ART1: variants seen among roughly 807,000 people sequenced by gnomAD.
ART1 encodes the protein ADP-ribosyltransferase 1, also known as GPI-linked NAD(P)(+)--arginine ADP-ribosyltransferase 1.
Under a neutral mutation model 27.0 loss-of-function variants are expected in ART1, and 29 were observed. The observed-to-expected ratio is 1.08, with a 90% CI of 0.80 to 1.47. The LOEUF (loss-of-function observed/expected upper bound fraction) is 1.47, where lower values mean the gene tolerates loss of function less well. Among genes scored for constraint, ART1 ranks in the 40% most tolerant of loss-of-function variants. The probability of loss-of-function intolerance (pLI) is 0.00; values close to 1 mark genes in which losing one functional copy is unlikely to be tolerated. For synonymous variants in ART1, 201 were observed against 172.2 expected (o/e 1.17, Z -1.31); for missense variants, 480 against 423.0 (o/e 1.13, Z -1.18).
Position 3,660,218 on chromosome 11 carries a change from C to T in ART1, c.699C>T (p.Ser233=). Residue 233 remains serine, a synonymous_variant, in exon 3 of 5, where the codon TCC becomes TCT. Coordinates refer to ENST00000250693, the MANE Select transcript of ART1 (RefSeq NM_004314.3). The part of the protein sequence containing the change: ...TCLGAPIKGY[S]FFPGEEEVLI... ...TTGGGGCCCCTATCAAGGGCTACTC[C>T]TTCTTCCCTGGAGAGGAAGAGGTGC... 3.1e-6 allele frequency: 5 copies of T among 1,614,000 alleles called. No individual in the cohort carries two copies. The highest frequency in any genetic ancestry group is 4.2e-6 in the Non-Finnish European group (5 of 1,180,048).
At chr11:3,645,287 C>T (rs1277532714) in intron 1 of ART1, 108 bp downstream of exon 1, 1 of 152,014 alleles carries the variant, frequency 6.6e-6, no homozygotes, top group Admixed American at 6.6e-5. Flanking sequence ...AAAAAGTTTC[C>T]AGGAAACTTT....
chr11:3,653,625 G>A (rs7480129), intron 1 of ART1, among the ~76,000 whole-genome samples: 19 of 152,120 alleles, frequency 1.2e-4, no homozygotes, highest in South Asian at 4.1e-4. Context: ...CTCTTCACAC[G>A]GACGCGCATG....
rs190469871 is a variant in ART1, at chr11:3,649,118, G to A, written c.-53+3939G>A. On this transcript the variant is annotated intron_variant, in intron 1 of 4. Coordinates refer to ENST00000250693, the MANE Select transcript of ART1 (RefSeq NM_004314.3). Reference sequence around the variant, plus strand: ...AAGAACCCCTGAACCCCTTCCCTCCGTTTCTCTACTCTCTCTTTTCTCTGG... The same window carrying A: ...AAGAACCCCTGAACCCCTTCCCTCCATTTCTCTACTCTCTCTTTTCTCTGG... 1.1e-3 allele frequency among the ~76,000 whole-genome samples: 168 copies of A among 151,784 alleles called. 1 individual carries two copies. Among genetic ancestry groups the A allele is most frequent in the African/African-American group, 3.1e-3 (130 of 41,340 alleles).
intron 3 of ART1, 94 bp from the exon 4 acceptor site, chr11:3,661,278 A>G (rs2077618154): frequency 8.4e-7 from 1 of 1,186,606 alleles, no homozygotes; most frequent in Non-Finnish European, 1.2e-6. Context: ...AACTTCTCCT[A>G]GAACAAGTCA....
At chr11:3,663,590 T>C (rs2077638639) in intron 4 of ART1, among the ~76,000 whole-genome samples, 1 of 152,180 alleles carries the variant, frequency 6.6e-6, no homozygotes, top group Non-Finnish European at 1.5e-5. Flanking sequence ...AAATTCTTTA[T>C]TAAAAAAATT....
At chr11:3,654,985 A>T (rs1422252142) in intron 1 of ART1, among the ~76,000 whole-genome samples, 4 of 152,224 alleles carry the variant, frequency 2.6e-5, no homozygotes, top group African/African-American at 7.2e-5. Context: ...TTTGCTGCAT[A>T]ACTATTTTGC....
intron 1 of ART1, among the ~76,000 whole-genome samples, chr11:3,649,461 G>C (rs2133947881): frequency 6.6e-6 from 1 of 152,154 alleles, no homozygotes; most frequent in East Asian, 1.9e-4. Context: ...AATGCAACTT[G>C]TCCCAAATCT....
intron 1 of ART1, among the ~76,000 whole-genome samples, chr11:3,657,153 A>T (rs2077581778): frequency 1.3e-5 from 2 of 152,226 alleles, no homozygotes; most frequent in East Asian, 3.8e-4. Flanking sequence ...GGGCAGAGGC[A>T]TAACCACCTT....
At chr11:3,658,763 T>G (rs2077593993) in intron 1 of ART1, among the ~76,000 whole-genome samples, 1 of 152,202 alleles carries the variant, frequency 6.6e-6, no homozygotes, top group South Asian at 2.1e-4. Context: ...ACTGTGGCTG[T>G]CAAGTCCTTT....
intron 1 of ART1, among the ~76,000 whole-genome samples, chr11:3,652,736 C>T (rs1366495682): frequency 4.6e-5 from 7 of 151,338 alleles, no homozygotes; most frequent in Non-Finnish European, 1.0e-4. Context: ...ATGTCCTGCT[C>T]TTGTTTACAC....
At chr11:3,646,291 C>T (rs1410224779) in intron 1 of ART1, among the ~76,000 whole-genome samples, 2 of 151,960 alleles carry the variant, frequency 1.3e-5, no homozygotes, top group African/African-American at 4.8e-5. Context: ...AGGGGCAAAC[C>T]TGAGCCAGGG....
At chr11:3,647,871 G>A (rs1565037665) in intron 1 of ART1, among the ~76,000 whole-genome samples, 1 of 151,992 alleles carries the variant, frequency 6.6e-6, no homozygotes, top group East Asian at 1.9e-4. Flanking sequence ...GGCTGTGCTG[G>A]AGCAGGACAC....
intron 1 of ART1, among the ~76,000 whole-genome samples, chr11:3,648,023 C>A (rs1240684325): frequency 6.6e-6 from 1 of 152,140 alleles, no homozygotes; most frequent in East Asian, 1.9e-4. Context: ...TGGCCGGTTC[C>A]TGCCTTAACT....
chr11:3,648,102 T>C (rs897136278), intron 1 of ART1, among the ~76,000 whole-genome samples: 1 of 152,184 alleles, frequency 6.6e-6, no homozygotes, highest in East Asian at 1.9e-4. Context: ...ACTGAGCACC[T>C]TGTGACCCCC....
At chr11:3,658,070 C>A (rs1229157342) in intron 1 of ART1, among the ~76,000 whole-genome samples, 1 of 152,062 alleles carries the variant, frequency 6.6e-6, no homozygotes, top group Non-Finnish European at 1.5e-5. Context: ...TGGTGGCTCA[C>A]ACCTGTAATC....
chr11:3,654,869 C>A (rs562170639), intron 1 of ART1, among the ~76,000 whole-genome samples: 1 of 152,330 alleles, frequency 6.6e-6, no homozygotes, highest in Non-Finnish European at 1.5e-5. Context: ...GCCTTCAAGC[C>A]TCTCCTCCCC....
At chr11:3,651,604 G>T (rs7484176) in intron 1 of ART1, among the ~76,000 whole-genome samples, 1 of 150,714 alleles carries the variant, frequency 6.6e-6, no homozygotes, top group Non-Finnish European at 1.5e-5. Context: ...TGCTTTAATA[G>T]TTTTAGAGGC....
At chr11:3,649,860 C>T (rs77869091) in intron 1 of ART1, among the ~76,000 whole-genome samples, 16 of 152,072 alleles carry the variant, frequency 1.1e-4, no homozygotes, top group Admixed American at 3.9e-4. Flanking sequence ...GTTCATGGCT[C>T]GTTCGGCAGC....
At chr11:3,655,645 C>G (rs915922238) in intron 1 of ART1, 1 of 152,148 alleles carries the variant, frequency 6.6e-6, no homozygotes, top group South Asian at 2.1e-4. Flanking sequence ...CTGAGGAATC[C>G]ACAGTGTCAG....
Sources: gnomAD v4.1 joint callset for allele counts (sites outside exome capture counted in the v4.1 genomes callset) on GRCh38, gnomAD v4.1.1 for gene constraint, MANE v1.5 for transcripts, NCBI Gene and HGNC (gene_info 2026-07-23, HGNC 2026-07-21) for gene names.